The following ABHD16A variants were observed in gnomAD, a reference collection of about 807,000 sequenced individuals.
ABHD16A encodes the protein abhydrolase domain containing 16A, phospholipase.
Under a neutral mutation model 89.8 loss-of-function variants are expected in ABHD16A, and 47 were observed. The ratio of observed to expected loss-of-function variants is 0.52; its 90% CI spans 0.41 to 0.67. The LOEUF is 0.67. Among genes scored for constraint, ABHD16A ranks in the 30% least tolerant of loss-of-function variants. ABHD16A has a pLI of 0.00. For missense variants in ABHD16A, 580 were observed against 734.6 expected, an observed-to-expected ratio of 0.79 and a Z score of 2.43; for synonymous variants, 251 against 280.4, an observed-to-expected ratio of 0.90 and a Z score of 1.05.
Position 31,689,076 on chromosome 6 carries a change from G to A in ABHD16A, c.1125C>T (p.Ile375=). The A allele has an allele frequency of 6.2e-7, 1 of 1,614,086 alleles. No homozygotes were observed. Among genetic ancestry groups the A allele is most frequent in the Non-Finnish European group, 8.5e-7 (1 of 1,179,992 alleles). The change falls in exon 13 of 20, where the codon ATC becomes ATT. Residue 375 remains isoleucine (I), a synonymous_variant. Transcript: ENST00000395952. ...AMSYPDVSAM[I]LDASFDDLVP... is the part of the protein sequence containing the mutation. ...CCAGGTCATCAAAGGAGGCATCCAGGATCATGGCACTAACATCTGGGTAGG... is the reference window on the plus strand; with the variant it reads ...CCAGGTCATCAAAGGAGGCATCCAGAATCATGGCACTAACATCTGGGTAGG...
Position 31,688,321 on chromosome 6 carries a change from C to A in ABHD16A, c.1251-16G>T, listed in dbSNP as rs375091201. The A allele has an allele frequency of 1.5e-5, 25 of 1,613,428 alleles. No individual in the cohort carries two copies. The highest frequency in any genetic ancestry group is 1.9e-5 in the Non-Finnish European group (22 of 1,179,554). On this transcript the variant is annotated splice_polypyrimidine_tract_variant and intron_variant, in intron 14 of 19. Transcript: ENST00000395952. This position sits in a 1 kb window ranked among gnomAD's most constrained non-coding sequence, Gnocchi z 4.9. ...ACCCTGGTATCTTCAGAGAACAGAG[C>A]AGTGGGAAGGGAGAGCTCAGAGGGA...
intron 2 of ABHD16A, among the ~76,000 whole-genome samples, chr6:31,701,596 T>A (rs1254491691): frequency 6.6e-6 from 1 of 152,184 alleles, no homozygotes; most frequent in African/African-American, 2.4e-5. Context: ...GTCTTCCATC[T>A]CCAGACATAA....
chr6:31,702,028 G>A lies in ABHD16A; in HGVS notation c.189+46C>T, dbSNP rs1357816929. On this transcript the variant is annotated intron_variant, in intron 2 of 19. Transcript: ENST00000395952. ...AGGGAGGGCTAAGTTCAAGAGGACA[G>A]GTGGGTCTGAAAGATGCAGAGTCCC... 1.9e-6 allele frequency: 3 copies of A among 1,608,916 alleles called. No individual in the cohort carries two copies. In the African/African-American group the frequency reaches 4.0e-5, roughly 21 times the overall value.
At chr6:31,703,098 G>A in intron 1 of ABHD16A, 52 bp downstream of exon 1, 2 of 1,377,300 alleles carry the variant, frequency 1.5e-6, no homozygotes, top group Non-Finnish European at 1.9e-6. Flanking sequence ...GCAAAAGGCC[G>A]TAAAGGGTTT....
chr6:31,687,218 G>A lies in ABHD16A; in HGVS notation c.1671C>T (p.His557=), dbSNP rs772569702. Residue 557 remains histidine, a synonymous_variant, in exon 20 of 20, where the codon CAC becomes CAT. Coordinates refer to ENST00000395952, the MANE Select transcript of ABHD16A (RefSeq NM_021160.3). The surrounding 1 kb of genome is among the most constrained non-coding windows in gnomAD (Gnocchi z 6.3). The part of the protein sequence containing the change: ...LPAQNFQMPW[H]L ...AATGAGTCCCAGTTGGTCCCTAGAGGTGCCAGGGCATCTGGAAGTTCTGGG... is the reference window on the plus strand; with the variant it reads ...AATGAGTCCCAGTTGGTCCCTAGAGATGCCAGGGCATCTGGAAGTTCTGGG... 6 of 1,612,562 alleles carry A rather than the reference G, an allele frequency of 3.7e-6. No homozygotes were observed. Among genetic ancestry groups the A allele is most frequent in the Middle Eastern group, 1.6e-4 (1 of 6,084 alleles).
chr6:31,702,088 T>C lies in ABHD16A; in HGVS notation c.175A>G (p.Ser59Gly), dbSNP rs764134769. ...GGTAGACATACCAGTGCCAGGATGC[T>C]GTCAGCATGTTTCTCCAGGGCACGG... ...QPRALEKHADSILALASVFWS... is the reference protein window; with the variant it reads ...QPRALEKHADGILALASVFWS... The change falls in exon 2 of 20, where the codon AGC becomes GGC. Residue 59 changes from serine to glycine, a missense_variant. This residue lies in a region of ABHD16A where 165 missense variants were observed against 165.8 expected (regional missense o/e 1.00). Coordinates refer to ENST00000395952, the MANE Select transcript of ABHD16A (RefSeq NM_021160.3). The C allele has an allele frequency of 6.2e-6, 10 of 1,612,994 alleles. No homozygotes were observed. The South Asian group carries it at 9.9e-5, about 16-fold the overall frequency.
In ABHD16A at chr6:31,688,349, C is replaced by T. The variant is rs368464059; in HGVS notation, c.1251-44G>A. On this transcript the variant is annotated intron_variant, in intron 14 of 19. Transcript: ENST00000395952. This position sits in a 1 kb window ranked among gnomAD's most constrained non-coding sequence, Gnocchi z 4.9. ...TGGGAAGGGAGAGCTCAGAGGGAGA[C>T]GGGTGACAACTGGCCCACCCCTATC... is the stretch of plus-strand genomic sequence containing the variant. The T allele has an allele frequency of 1.3e-4, 204 of 1,588,674 alleles. 1 individual carries two copies. Among genetic ancestry groups the T allele is most frequent in the Admixed American group, 7.7e-4 (46 of 59,834 alleles).
At chr6:31,691,135 T>C (rs570436408) in intron 9 of ABHD16A, among the ~76,000 whole-genome samples, 1 of 152,244 alleles carries the variant, frequency 6.6e-6, no homozygotes, top group African/African-American at 2.4e-5. Context: ...GGCTGCTTCA[T>C]GGAGGTAGGA....
chr6:31,703,314 C>T lies in ABHD16A; in HGVS notation c.-33G>A. The stretch of plus-strand genomic sequence containing the variant: ...GCTCGGGCCGCTGCTCTTCCAGCAG[C>T]AGGTCCCCCTGCCGGCCCCGCCCTC... On this transcript the variant is annotated 5_prime_UTR_variant, in exon 1 of 20. Transcript: ENST00000395952. 1 of 1,339,426 alleles carries T rather than the reference C, an allele frequency of 7.5e-7. No homozygotes were observed. The highest frequency in any genetic ancestry group is 9.7e-7 in the Non-Finnish European group (1 of 1,033,824). The allele number at this position is 1,339,426 out of a possible 1,614,324, so 83.0% of individuals were successfully genotyped here. A position where few individuals can be genotyped will look rare whatever the true frequency, so the allele number is the denominator to read the frequency against.
At chr6:31,697,168 G>A in intron 4 of ABHD16A, 135 bp from the exon 5 acceptor site, 1 of 757,864 alleles carries the variant, frequency 1.3e-6, no homozygotes, top group South Asian at 1.8e-5. Context: ...TGAGGGCATA[G>A]GATGCGGAGA....
At position 31,688,688 on chromosome 6, in the gene ABHD16A, C is replaced by T. The variant is rs1304344213; in HGVS notation, c.1250+35G>A. 2 of 1,610,468 alleles carry T rather than the reference C, an allele frequency of 1.2e-6. No homozygotes were observed. The highest frequency in any genetic ancestry group is 2.2e-5 in the South Asian group (2 of 90,992). ...GCGCCCAGCAGAGCTGTATGGGGGG[C>T]AGGTGTTCAATGCCGGACGCTGGCC... On this transcript the variant is annotated intron_variant, in intron 14 of 19. Coordinates refer to ENST00000395952, the MANE Select transcript of ABHD16A (RefSeq NM_021160.3). This position sits in a 1 kb window ranked among gnomAD's most constrained non-coding sequence, Gnocchi z 4.9.
In ABHD16A at chr6:31,703,298, G is replaced by T. The variant is rs1413936740; in HGVS notation, c.-17C>A. On this transcript the variant is annotated 5_prime_UTR_variant, in exon 1 of 20. Coordinates refer to ENST00000395952, the MANE Select transcript of ABHD16A (RefSeq NM_021160.3). Reference sequence around the variant, plus strand: ...CTTCGCCATGGCCCCGGCTCGGGCCGCTGCTCTTCCAGCAGCAGGTCCCCC... The same window carrying T: ...CTTCGCCATGGCCCCGGCTCGGGCCTCTGCTCTTCCAGCAGCAGGTCCCCC... The T allele has an allele frequency of 3.7e-6, 5 of 1,341,126 alleles. No individual in the cohort carries two copies. The highest frequency in any genetic ancestry group is 4.8e-6 in the Non-Finnish European group (5 of 1,034,518). 83.1% of individuals were successfully genotyped at this position (1,341,126 alleles called of 1,614,324 possible).
intron 1 of ABHD16A, chr6:31,702,620 G>A (rs1474111187): frequency 1.3e-6 from 2 of 1,488,838 alleles, no homozygotes; most frequent in Non-Finnish European, 1.8e-6. Context: ...ACCACCACCC[G>A]CCAGCTCTCC....
chr6:31,689,213 C>T (rs1803608733), intron 12 of ABHD16A, 94 bp from the exon 13 acceptor site: 4 of 1,106,500 alleles, frequency 3.6e-6, no homozygotes, highest in Non-Finnish European at 5.2e-6. Flanking sequence ...ATAGGCCAAC[C>T]CCATTCCCCC....
At position 31,688,948 on chromosome 6, in the gene ABHD16A, T is replaced by A; in HGVS notation, c.1186+67A>T. On this transcript the variant is annotated intron_variant, in intron 13 of 19. Coordinates refer to ENST00000395952, the MANE Select transcript of ABHD16A (RefSeq NM_021160.3). This position sits in a 1 kb window ranked among gnomAD's most constrained non-coding sequence, Gnocchi z 4.9. ...CTCCCCACCCAAGAAAAGGGAGCCA[T>A]CTCAGAACAGTTCCCAGTTCCAGCC... is the stretch of plus-strand genomic sequence containing the variant. The A allele has an allele frequency of 6.6e-7, 1 of 1,508,302 alleles. No homozygotes were observed. Among genetic ancestry groups the A allele is most frequent in the Non-Finnish European group, 9.1e-7 (1 of 1,101,600 alleles). The allele number at this position is 1,508,302 out of a possible 1,614,324, so 93.4% of individuals were successfully genotyped here. A position where few individuals can be genotyped will look rare whatever the true frequency, so the allele number is the denominator to read the frequency against.
At chr6:31,700,065 C>T (rs562250482) in intron 4 of ABHD16A, among the ~76,000 whole-genome samples, 3 of 151,454 alleles carry the variant, frequency 2.0e-5, no homozygotes, top group Non-Finnish European at 4.4e-5. Flanking sequence ...CGTTGTTGAG[C>T]GTAGCTACAG....
rs980093828 is a variant in ABHD16A at position 31,690,399 on chromosome 6, C to T, written c.907+140G>A. 7.6e-6 allele frequency: 7 copies of T among 923,230 alleles called. No individual in the cohort carries two copies. Among genetic ancestry groups the T allele is most frequent in the African/African-American group, 1.7e-5 (1 of 60,596 alleles). The allele number at this position is 923,230 out of a possible 1,614,324, so 57.2% of individuals were successfully genotyped here. On this transcript the variant is annotated intron_variant, in intron 10 of 19. Coordinates refer to ENST00000395952, the MANE Select transcript of ABHD16A (RefSeq NM_021160.3). This position sits in a 1 kb window ranked among gnomAD's most constrained non-coding sequence, Gnocchi z 4.1. ...GATGTAAGGTTATCAAAGCAAATGG[C>T]GAGTGGACTTTTCCCTAAAGCTGAG...
chr6:31,702,204 C>CT, intron 1 of ABHD16A, 74 bp from the exon 2 acceptor site: 1 of 1,424,828 alleles, frequency 7.0e-7, no homozygotes, highest in Non-Finnish European at 9.9e-7. Context: ...AGAAGCCCTG[C>CT]TGTGTGTCCT....
Position 31,693,092 on chromosome 6 carries a change from G to GGCCACACCCC in ABHD16A, c.560_561insGGGGTGTGGC (p.Leu188GlyfsTer17). 1 of 1,614,168 alleles carries GGCCACACCCC rather than the reference G, an allele frequency of 6.2e-7. No homozygotes were observed. The highest frequency in any genetic ancestry group is 8.5e-7 in the Non-Finnish European group (1 of 1,180,028). On this transcript the variant is annotated frameshift_variant, in exon 7 of 20. Coordinates refer to ENST00000395952, the MANE Select transcript of ABHD16A (RefSeq NM_021160.3). LOFTEE classifies it high-confidence loss of function. This position sits in a 1 kb window ranked among gnomAD's most constrained non-coding sequence, Gnocchi z 5.0. The stretch of plus-strand genomic sequence containing the variant: ...GGGTGTCTGCTGTCCCCCGGTGCAG[G>GGCCACACCCC]GGCTCTGGGCGAAGCAGGGCCACAC...
Sources: gnomAD v4.1 joint callset for allele counts (sites outside exome capture counted in the v4.1 genomes callset) on GRCh38, gnomAD v4.1.1 for gene constraint, gnomAD v4.1.1 regional missense constraint, Gnocchi (gnomAD v3.1) non-coding constraint, MANE v1.5 for transcripts, NCBI Gene and HGNC (gene_info 2026-07-23, HGNC 2026-07-21) for gene names.